Variants in CEP170 observed in about 807,000 individuals in gnomAD.
CEP170 encodes centrosomal protein 170, also known as centrosomal protein of 170 kDa.
CEP170 carries 21 observed loss-of-function variants against 151.9 expected under a neutral mutation model. That is an observed-to-expected ratio of 0.14 (90% CI 0.10 to 0.20). The LOEUF is 0.20. Among genes scored for constraint, CEP170 ranks in the 10% least tolerant of loss-of-function variants. The pLI, the probability that CEP170 is intolerant of heterozygous loss-of-function variation, is 1.00. For synonymous variants in CEP170, 356 were observed against 648.8 expected, an observed-to-expected ratio of 0.55 and a Z score of 6.86; for missense variants, 964 against 1,892.9, an observed-to-expected ratio of 0.51 and a Z score of 9.11.
intron 1 of CEP170, among the ~76,000 whole-genome samples, chr1:243,238,276 C>A (rs1303784499): frequency 3.3e-5 from 5 of 151,928 alleles, no homozygotes; most frequent in African/African-American, 7.3e-5. Context: ...AAAGTGACAC[C>A]CTGTCTCTAC....
intron 2 of CEP170, 78 bp from the exon 3 acceptor site, chr1:243,221,891 A>G: frequency 1.6e-6 from 2 of 1,244,812 alleles, no homozygotes; most frequent in African/African-American, 1.5e-5. Context: ...TAGATACCTA[A>G]TATTAATAGG....
chr1:243,209,442 C>T (rs12039659), intron 4 of CEP170, among the ~76,000 whole-genome samples: 59,926 of 151,976 alleles, frequency 0.39, 13,158 homozygotes, highest in Admixed American at 0.5. Flanking sequence ...CCACTTTGGC[C>T]TCCCAAAGTG....
chr1:243,156,080 C>T, intron 14 of CEP170, 141 bp downstream of exon 14: 2 of 1,205,978 alleles, frequency 1.7e-6, no homozygotes, highest in Non-Finnish European at 2.2e-6. Context: ...AGTAATACTA[C>T]TGACTAAACG....
Position 243,186,578 on chromosome 1 carries a change from T to C in CEP170, c.1109-156A>G, listed in dbSNP as rs572597626. 78 of 651,518 alleles carry C rather than the reference T, an allele frequency of 1.2e-4. No homozygotes were observed. The Middle Eastern group carries it at 3.7e-3, about 31-fold the overall frequency. The allele number at this position is 651,518 out of a possible 1,614,324, so 40.4% of individuals were successfully genotyped here. ...TAACAGGCTCGGCAAACTTGCTCAA[T>C]TGCAATGGTTACATTCAAATTTTAT... On this transcript the variant is annotated intron_variant, in intron 8 of 19. Coordinates refer to ENST00000366542, the MANE Select transcript of CEP170 (RefSeq NM_014812.3).
chr1:243,151,897 A>G, intron 14 of CEP170, among the ~76,000 whole-genome samples: 1 of 152,148 alleles, frequency 6.6e-6, no homozygotes, highest in Non-Finnish European at 1.5e-5. Flanking sequence ...GTAGCTGGTG[A>G]CTTTATGTTG....
intron 17 of CEP170, among the ~76,000 whole-genome samples, chr1:243,133,991 A>C (rs1243194277): frequency 6.6e-6 from 1 of 152,232 alleles, no homozygotes; most frequent in Non-Finnish European, 1.5e-5. Flanking sequence ...ATAAGGTTCC[A>C]ATTTATACCT....
intron 16 of CEP170, among the ~76,000 whole-genome samples, chr1:243,137,548 G>A (rs1220389547): frequency 1.3e-5 from 2 of 152,080 alleles, no homozygotes; most frequent in Non-Finnish European, 2.9e-5. Flanking sequence ...AGGCTGGGGT[G>A]GGTGGATCAC....
At chr1:243,254,717 T>C (rs1453875914) in intron 1 of CEP170, among the ~76,000 whole-genome samples, 1 of 145,182 alleles carries the variant, frequency 6.9e-6, no homozygotes, top group Non-Finnish European at 1.5e-5. Flanking sequence ...AATGATTCAA[T>C]GCACTTAGGG....
intron 8 of CEP170, among the ~76,000 whole-genome samples, chr1:243,189,009 C>T (rs1322000335): frequency 1.3e-5 from 2 of 152,148 alleles, no homozygotes; most frequent in African/African-American, 4.8e-5. Context: ...TCTTCAATGG[C>T]TTGTAAAATG....
At chr1:243,169,453 A>T in intron 12 of CEP170, 175 bp downstream of exon 12, 1 of 1,229,384 alleles carries the variant, frequency 8.1e-7, no homozygotes, top group African/African-American at 1.5e-5. Flanking sequence ...GCATGAGAAT[A>T]TGTGAATATG....
At chr1:243,243,901 T>A (rs745340911) in intron 1 of CEP170, among the ~76,000 whole-genome samples, 18 of 151,896 alleles carry the variant, frequency 1.2e-4, no homozygotes, top group African/African-American at 4.4e-4. Flanking sequence ...AATAACTCAA[T>A]GTCATCTGTG....
intron 3 of CEP170, among the ~76,000 whole-genome samples, chr1:243,212,511 T>C (rs982789838): frequency 7.9e-5 from 12 of 152,212 alleles, no homozygotes; most frequent in Non-Finnish European, 1.6e-4. Context: ...TCAGTGATCT[T>C]ATTTTTCTGA....
intron 14 of CEP170, among the ~76,000 whole-genome samples, chr1:243,145,491 T>C (rs1206545212): frequency 6.6e-6 from 1 of 152,254 alleles, no homozygotes; most frequent in Admixed American, 6.5e-5. Flanking sequence ...GCCAGGATGG[T>C]CTCGATCTCT....
Position 243,191,051 on chromosome 1 carries a change from T to C in CEP170, c.1075A>G (p.Ser359Gly). ...CTTTTCAAGTACACTGGAACATCAC[T>C]TTTAATGCTTTTAGAATCCTCTTCT... Reference protein sequence around the residue: ...RTEEDSKSIKSDVPVYLKRLK... With the variant: ...RTEEDSKSIKGDVPVYLKRLK... Residue 359 changes from serine to glycine, a missense_variant, in exon 8 of 20, where the codon AGT becomes GGT. Transcript: ENST00000366542. 6.2e-7 allele frequency: 1 copy of C among 1,604,284 alleles called. No individual in the cohort carries two copies. Among genetic ancestry groups the C allele is most frequent in the Non-Finnish European group, 8.5e-7 (1 of 1,174,368 alleles).
chr1:243,133,172 T>C (rs1001226993), intron 17 of CEP170, among the ~76,000 whole-genome samples: 2 of 152,246 alleles, frequency 1.3e-5, no homozygotes, highest in African/African-American at 4.8e-5. Flanking sequence ...TGGCAATTTC[T>C]CTAAGAGCCC....
intron 7 of CEP170, among the ~76,000 whole-genome samples, chr1:243,192,629 G>A (rs1219455472): frequency 1.3e-5 from 2 of 152,190 alleles, no homozygotes; most frequent in South Asian, 2.1e-4. Context: ...AGGCAATACA[G>A]GGAGACTAGG....
chr1:243,171,441 CTTTA>C (rs1370567893), intron 11 of CEP170, among the ~76,000 whole-genome samples: 2 of 151,914 alleles, frequency 1.3e-5, no homozygotes, highest in African/African-American at 2.4e-5. Context: ...TTTATATTTT[CTTTA>C]TTTATACCTT....
intron 14 of CEP170, among the ~76,000 whole-genome samples, chr1:243,142,842 C>T (rs1311535086): frequency 1.1e-4 from 17 of 152,260 alleles, no homozygotes; most frequent in Admixed American, 2.0e-4. Flanking sequence ...AATGTATTCA[C>T]TAACCTCTAA....
At chr1:243,213,606 A>C (rs1429566462) in intron 3 of CEP170, among the ~76,000 whole-genome samples, 1 of 152,192 alleles carries the variant, frequency 6.6e-6, no homozygotes, top group Admixed American at 6.5e-5. Flanking sequence ...ATGAGAAAGA[A>C]TGTGTCCATG....
Sources: gnomAD v4.1 joint callset for allele counts (sites outside exome capture counted in the v4.1 genomes callset) on GRCh38, gnomAD v4.1.1 for gene constraint, MANE v1.5 for transcripts, NCBI Gene and HGNC (gene_info 2026-07-23, HGNC 2026-07-21) for gene names.